Variants in SIAH2 observed in about 807,000 individuals in gnomAD.
The protein encoded by SIAH2 is siah E3 ubiquitin protein ligase 2, also known as E3 ubiquitin-protein ligase SIAH2.
Under a neutral mutation model 20.4 loss-of-function variants are expected in SIAH2, and 4 were observed. The ratio of observed to expected loss-of-function variants is 0.20; its 90% CI spans 0.10 to 0.45. The LOEUF (loss-of-function observed/expected upper bound fraction) is 0.45, where lower values mean the gene tolerates loss of function less well. Among genes scored for constraint, SIAH2 ranks in the 20% least tolerant of loss-of-function variants. The pLI, the probability that SIAH2 is intolerant of heterozygous loss-of-function variation, is 0.99. For synonymous variants in SIAH2, 171 were observed against 192.5 expected, an observed-to-expected ratio of 0.89 and a Z score of 0.93; for missense variants, 259 against 440.3, an observed-to-expected ratio of 0.59 and a Z score of 3.69.
At chr3:150,743,077 G>A (rs923280627) in intron 1 of SIAH2, among the ~76,000 whole-genome samples, 26 of 152,196 alleles carry the variant, frequency 1.7e-4, no homozygotes, top group Non-Finnish European at 7.3e-5. Flanking sequence ...CTTGGGTGGT[G>A]GGGATGGGGT....
rs1553759385 is a variant in SIAH2 at position 150,745,275 on chromosome 3, A to ACACACACC, written c.418-2578_418-2577insGGTGTGTG. ...CACACACACACACACACACACACAC[A>ACACACACC]CACCCCACATTTCATACTTCAAGCA... On this transcript the variant is annotated intron_variant, in intron 1 of 1. Coordinates refer to ENST00000312960, the MANE Select transcript of SIAH2 (RefSeq NM_005067.7). Among the ~76,000 whole-genome samples, 3 of 148,524 alleles carry ACACACACC rather than the reference A, an allele frequency of 2.0e-5. No homozygotes were observed. In the East Asian group the frequency reaches 5.9e-4, roughly 29 times the overall value.
chr3:150,743,934 TC>T (rs1312868060), intron 1 of SIAH2, among the ~76,000 whole-genome samples: 2 of 151,550 alleles, frequency 1.3e-5, no homozygotes, highest in Non-Finnish European at 2.9e-5. Flanking sequence ...ACACTTGGAT[TC>T]CCCTGCTCCA....
Position 150,742,087 on chromosome 3 carries a change from T to G in SIAH2, c.*54A>C. 6.1e-6 allele frequency: 9 copies of G among 1,478,616 alleles called. No individual in the cohort carries two copies. In the South Asian group the frequency reaches 1.0e-4, roughly 17 times the overall value. The allele number at this position is 1,478,616 out of a possible 1,614,324, so 91.6% of individuals were successfully genotyped here. On this transcript the variant is annotated 3_prime_UTR_variant, in exon 2 of 2. Transcript: ENST00000312960. The surrounding 1 kb of genome is among the most constrained non-coding windows in gnomAD (Gnocchi z 4.8). ...GGAATAAAACATCTATAAAAACCTT[T>G]ATTAAACATAGAGCACTATGCCCAA...
intron 1 of SIAH2, among the ~76,000 whole-genome samples, chr3:150,744,141 C>G (rs144556318): frequency 0.014 from 2,064 of 152,096 alleles, 37 homozygotes; most frequent in African/African-American, 0.047. Flanking sequence ...TAGCAACAAG[C>G]AGATGGTATG....
intron 1 of SIAH2, among the ~76,000 whole-genome samples, chr3:150,756,540 T>C (rs1714488765): frequency 6.6e-6 from 1 of 152,208 alleles, no homozygotes. Flanking sequence ...ATCCCAATCT[T>C]GGGCTGGTAT....
intron 1 of SIAH2, among the ~76,000 whole-genome samples, chr3:150,750,801 T>C (rs1342801465): frequency 6.6e-6 from 1 of 152,216 alleles, no homozygotes; most frequent in Non-Finnish European, 1.5e-5. Context: ...TGTATGTTCC[T>C]CTTGCTTAAA....
intron 1 of SIAH2, among the ~76,000 whole-genome samples, chr3:150,758,953 C>T (rs1371368181): frequency 1.3e-5 from 2 of 152,072 alleles, no homozygotes; most frequent in African/African-American, 2.4e-5. Flanking sequence ...CCATGTTGGT[C>T]AGGCTGGTCT....
rs566281525 is a variant in SIAH2, at chr3:150,742,944, G to C, written c.418-246C>G. On this transcript the variant is annotated intron_variant, in intron 1 of 1. Coordinates refer to ENST00000312960, the MANE Select transcript of SIAH2 (RefSeq NM_005067.7). This position sits in a 1 kb window ranked among gnomAD's most constrained non-coding sequence, Gnocchi z 4.8. ...CGCTGTTTTCCATGCCCCCTGTTCC[G>C]CTGTCAAAGGGATCAGAACTAAAGT... is the stretch of plus-strand genomic sequence containing the variant. 2.6e-5 allele frequency among the ~76,000 whole-genome samples: 4 copies of C among 152,144 alleles called. No individual in the cohort carries two copies. Among genetic ancestry groups the C allele is most frequent in the Non-Finnish European group, 5.9e-5 (4 of 68,024 alleles).
Position 150,742,407 on chromosome 3 carries a change from CTT to C in SIAH2, c.707_708del (p.Gln236ArgfsTer49), listed in dbSNP as rs1390600767. 2 of 1,614,204 alleles carry C rather than the reference CTT, an allele frequency of 1.2e-6. No homozygotes were observed. The highest frequency in any genetic ancestry group is 1.7e-6 in the Non-Finnish European group (2 of 1,180,042). ...AACTGCTGGTGGCCTTCGTACTTCT[CTT>C]GTTTCTCCAGCACCAGCATGAAGTG... ...GHHFMLVLEK[Q>X]EKYEGHQQFF... On this transcript the variant is annotated frameshift_variant, in exon 2 of 2. Coordinates refer to ENST00000312960, the MANE Select transcript of SIAH2 (RefSeq NM_005067.7). LOFTEE classifies it high-confidence loss of function. This position sits in a 1 kb window ranked among gnomAD's most constrained non-coding sequence, Gnocchi z 4.8.
chr3:150,753,495 CA>C (rs1020842848), intron 1 of SIAH2, among the ~76,000 whole-genome samples: 1 of 152,180 alleles, frequency 6.6e-6, no homozygotes, highest in Non-Finnish European at 1.5e-5. Context: ...GTTCTACTAT[CA>C]AAAAGCTTCA....
chr3:150,760,087 T>C (rs1470614598), intron 1 of SIAH2, among the ~76,000 whole-genome samples: 1 of 152,204 alleles, frequency 6.6e-6, no homozygotes, highest in Non-Finnish European at 1.5e-5. Flanking sequence ...ATACAGGCCT[T>C]ACGGCTCTCT....
intron 1 of SIAH2, among the ~76,000 whole-genome samples, chr3:150,753,272 G>C (rs986873202): frequency 6.6e-6 from 1 of 152,234 alleles, no homozygotes; most frequent in African/African-American, 2.4e-5. Flanking sequence ...TTGTGGGAAG[G>C]AGAGGGCCTG....
At chr3:150,744,475 T>G (rs1210302785) in intron 1 of SIAH2, among the ~76,000 whole-genome samples, 2 of 152,258 alleles carry the variant, frequency 1.3e-5, no homozygotes, top group Non-Finnish European at 2.9e-5. Context: ...TTTATCCATG[T>G]GTATTCATAC....
chr3:150,749,336 T>TA (rs1323981433), intron 1 of SIAH2, among the ~76,000 whole-genome samples: 2 of 150,542 alleles, frequency 1.3e-5, no homozygotes, highest in Non-Finnish European at 3.0e-5. Flanking sequence ...CCTGTCTCTA[T>TA]AAAAAGTTAA....
rs1576579426 is a variant in SIAH2 at position 150,742,126 on chromosome 3, T to C, written c.*15A>G. 6.3e-7 allele frequency: 1 copy of C among 1,594,102 alleles called. No individual in the cohort carries two copies. The highest frequency in any genetic ancestry group is 2.2e-5 in the East Asian group (1 of 44,572). ...CACTATGCCCAAATAATTTTGAAGG[T>C]TTACGAAAGTCACATCATGGACAAC... On this transcript the variant is annotated 3_prime_UTR_variant, in exon 2 of 2. Coordinates refer to ENST00000312960, the MANE Select transcript of SIAH2 (RefSeq NM_005067.7). This position sits in a 1 kb window ranked among gnomAD's most constrained non-coding sequence, Gnocchi z 4.8.
intron 1 of SIAH2, among the ~76,000 whole-genome samples, chr3:150,755,594 C>T (rs561933573): frequency 6.6e-6 from 1 of 152,268 alleles, no homozygotes; most frequent in Admixed American, 6.5e-5. Context: ...CAGCTCACCA[C>T]AACCTCCGCC....
chr3:150,762,230 A>C lies in SIAH2; in HGVS notation c.417+203T>G. ...ATGCCAATTAATCTGTTAATTGTCT[A>C]TTAACAATTATTACTCGGTAAATGT... On this transcript the variant is annotated intron_variant, in intron 1 of 1. Transcript: ENST00000312960. The surrounding 1 kb of genome is among the most constrained non-coding windows in gnomAD (Gnocchi z 6.6). 1 of 1,066,318 alleles carries C rather than the reference A, an allele frequency of 9.4e-7. No homozygotes were observed. Among genetic ancestry groups the C allele is most frequent in the Non-Finnish European group, 1.3e-6 (1 of 769,522 alleles). The allele number at this position is 1,066,318 out of a possible 1,614,324, so 66.1% of individuals were successfully genotyped here.
chr3:150,757,068 A>G (rs1417437869), intron 1 of SIAH2, among the ~76,000 whole-genome samples: 1 of 152,134 alleles, frequency 6.6e-6, no homozygotes, highest in Non-Finnish European at 1.5e-5. Context: ...TGGTGAAGCA[A>G]AAGCCCTCAA....
chr3:150,748,135 G>A (rs906644344), intron 1 of SIAH2, among the ~76,000 whole-genome samples: 2 of 152,024 alleles, frequency 1.3e-5, no homozygotes, highest in East Asian at 3.9e-4. Context: ...TGTGTAATCC[G>A]GACCCTCATT....
Sources: gnomAD v4.1 joint callset for allele counts (sites outside exome capture counted in the v4.1 genomes callset) on GRCh38, gnomAD v4.1.1 for gene constraint, Gnocchi (gnomAD v3.1) non-coding constraint, MANE v1.5 for transcripts, NCBI Gene and HGNC (gene_info 2026-07-23, HGNC 2026-07-21) for gene names.